The following GNAQ variants were observed in gnomAD, a reference collection of about 807,000 sequenced individuals.
The protein encoded by GNAQ is guanine nucleotide-binding protein G(q) subunit alpha.
In GNAQ, 8 loss-of-function variants were observed where a neutral mutation model predicts 43.9. That is an observed-to-expected ratio of 0.18 (90% CI 0.11 to 0.33). The LOEUF (loss-of-function observed/expected upper bound fraction) is 0.33. Among genes scored for constraint, GNAQ ranks in the 10% least tolerant of loss-of-function variants. GNAQ has a pLI of 1.00. For synonymous variants in GNAQ, 155 were observed against 170.7 expected (o/e 0.91, Z 0.71); for missense variants, 158 against 450.8 (o/e 0.35, Z 5.88).
chr9:77,717,061 TTTTCC>T lies in GNAQ; in HGVS notation c.*4257_*4261del, dbSNP rs1393746261. The T allele has an allele frequency of 4.3e-6, 1 of 232,620 alleles. No individual in the cohort carries two copies. Among genetic ancestry groups the T allele is most frequent in the African/African-American group, 2.2e-5 (1 of 45,308 alleles). The allele number at this position is 232,620 out of a possible 1,614,324, so 14.4% of individuals were successfully genotyped here. ...TAATCATATACAACTAAGCCATTTC[TTTTCC>T]TAATTTGATGGAACCAAAATGAAAT... On this transcript the variant is annotated 3_prime_UTR_variant, in exon 7 of 7. Transcript: ENST00000286548.
Position 77,893,794 on chromosome 9 carries a change from G to A in GNAQ, c.321+28367C>T, listed in dbSNP as rs1587392128. ...TAAATTTATGGATTCTTGTCTATTT[G>A]GCACCTGAAGAAGAATTCAAGGAAA... On this transcript the variant is annotated intron_variant, in intron 2 of 6. Coordinates refer to ENST00000286548, the MANE Select transcript of GNAQ (RefSeq NM_002072.5). Among the ~76,000 whole-genome samples, 5 of 152,128 alleles carry A rather than the reference G, an allele frequency of 3.3e-5. 2 individuals are homozygous for A. In the South Asian group the frequency reaches 1.0e-3, roughly 32 times the overall value.
chr9:78,018,258 G>A (rs1823863341), intron 1 of GNAQ, among the ~76,000 whole-genome samples: 1 of 151,702 alleles, frequency 6.6e-6, no homozygotes. Context: ...TTAATATGAA[G>A]TCTACATAGC....
chr9:77,716,193 C>T lies in GNAQ; in HGVS notation c.*5130G>A, dbSNP rs1167821920. On this transcript the variant is annotated 3_prime_UTR_variant, in exon 7 of 7. Transcript: ENST00000286548. ...GGAAAGATGTATTTCAGTACTCCTA[C>T]TAATACAAAACATTCTGAGAGGGGC... The T allele has an allele frequency of 4.9e-6, 1 of 204,346 alleles. No homozygotes were observed. The highest frequency in any genetic ancestry group is 2.3e-5 in the African/African-American group (1 of 43,562). The allele number at this position is 204,346 out of a possible 1,614,324, so 12.7% of individuals were successfully genotyped here.
chr9:77,886,335 ACACATTT>A (rs11277730), intron 2 of GNAQ, among the ~76,000 whole-genome samples: 109,467 of 149,274 alleles, frequency 0.73, 40,363 homozygotes, highest in South Asian at 0.77. Context: ...AAATATATTT[ACACATTT>A]CACATTTTAT....
intron 2 of GNAQ, among the ~76,000 whole-genome samples, chr9:77,855,511 TC>T (rs1827740252): frequency 6.6e-6 from 1 of 152,168 alleles, no homozygotes; most frequent in East Asian, 1.9e-4. Flanking sequence ...AATTATGTCA[TC>T]TTTTTTTCGC....
chr9:77,807,146 C>G (rs1387908310), intron 3 of GNAQ, among the ~76,000 whole-genome samples: 2 of 152,102 alleles, frequency 1.3e-5, no homozygotes, highest in Admixed American at 1.3e-4. Context: ...ACTGAAAAGA[C>G]TTTAACCTGA....
intron 5 of GNAQ, among the ~76,000 whole-genome samples, chr9:77,749,475 T>C (rs1350739788): frequency 6.6e-6 from 1 of 152,224 alleles, no homozygotes; most frequent in Non-Finnish European, 1.5e-5. Flanking sequence ...CCCAGGAATG[T>C]CTTGTACAGG....
intron 6 of GNAQ, among the ~76,000 whole-genome samples, chr9:77,725,863 G>A (rs1453071795): frequency 2.6e-5 from 4 of 152,140 alleles, no homozygotes; most frequent in Admixed American, 6.5e-5. Flanking sequence ...GTTCACCTCC[G>A]TGGGCACCAT....
At chr9:77,929,207 T>G (rs1258829997) in intron 1 of GNAQ, among the ~76,000 whole-genome samples, 1 of 152,188 alleles carries the variant, frequency 6.6e-6, no homozygotes, top group Admixed American at 6.5e-5. Context: ...TAAGAGTACA[T>G]GTTCACTCTC....
chr9:77,760,860 C>T (rs1188221681), intron 5 of GNAQ, among the ~76,000 whole-genome samples: 2 of 149,744 alleles, frequency 1.3e-5, no homozygotes, highest in East Asian at 2.0e-4. Flanking sequence ...TGCGCCACCG[C>T]CCCGTCTGGG....
At chr9:77,880,122 G>A (rs936067802) in intron 2 of GNAQ, among the ~76,000 whole-genome samples, 2 of 152,148 alleles carry the variant, frequency 1.3e-5, no homozygotes, top group African/African-American at 4.8e-5. Flanking sequence ...TAATGAACAA[G>A]GAAGCTTGAT....
intron 5 of GNAQ, among the ~76,000 whole-genome samples, chr9:77,750,621 T>C (rs1825797827): frequency 6.6e-6 from 1 of 151,728 alleles, no homozygotes; most frequent in African/African-American, 2.4e-5. Flanking sequence ...TTATTACCTT[T>C]ATTTCTAACT....
intron 5 of GNAQ, among the ~76,000 whole-genome samples, chr9:77,793,407 T>C (rs909300084): frequency 6.6e-6 from 1 of 152,138 alleles, no homozygotes; most frequent in Non-Finnish European, 1.5e-5. Flanking sequence ...GGAAACTTTA[T>C]CAATCCTATA....
chr9:77,727,642 AGT>A (rs1347271697), intron 6 of GNAQ, among the ~76,000 whole-genome samples: 2 of 152,228 alleles, frequency 1.3e-5, no homozygotes. Flanking sequence ...GTATTTCCTG[AGT>A]ATTCATAAGT....
At chr9:78,008,179 C>A (rs11145653) in intron 1 of GNAQ, among the ~76,000 whole-genome samples, 44,233 of 152,118 alleles carry the variant, frequency 0.29, 6,606 homozygotes, top group South Asian at 0.44. Flanking sequence ...ACCCATGTAC[C>A]TCTACACAGG....
At chr9:77,959,500 A>C (rs1823081741) in intron 1 of GNAQ, among the ~76,000 whole-genome samples, 1 of 152,262 alleles carries the variant, frequency 6.6e-6, no homozygotes, top group Non-Finnish European at 1.5e-5. Flanking sequence ...TCAGGATTTT[A>C]TAGAAATAAT....
At chr9:77,928,053 A>C (rs1289086280) in intron 1 of GNAQ, among the ~76,000 whole-genome samples, 1 of 152,232 alleles carries the variant, frequency 6.6e-6, no homozygotes, top group Non-Finnish European at 1.5e-5. Context: ...TTTAAGGAGA[A>C]ATTTTCTACC....
chr9:77,761,164 G>C (rs1186380085), intron 5 of GNAQ, among the ~76,000 whole-genome samples: 10 of 140,888 alleles, frequency 7.1e-5, no homozygotes, highest in Non-Finnish European at 1.4e-4. Flanking sequence ...GGAGGGAGGT[G>C]GGGGGGTCAG....
intron 1 of GNAQ, among the ~76,000 whole-genome samples, chr9:77,996,752 A>G (rs1279945843): frequency 1.3e-5 from 2 of 152,074 alleles, no homozygotes; most frequent in Non-Finnish European, 2.9e-5. Flanking sequence ...AGATTTTAAG[A>G]TGTCTTTTTC....
Sources: allele counts gnomAD v4.1 joint callset (sites outside exome capture counted in the v4.1 genomes callset), GRCh38; gene constraint gnomAD v4.1.1; transcripts MANE v1.5; gene names NCBI Gene and HGNC (gene_info 2026-07-23, HGNC 2026-07-21).